The following NXPE2 variants were observed in gnomAD, a reference collection of about 807,000 sequenced individuals.
NXPE2 encodes the protein neurexophilin and PC-esterase domain family member 2.
In NXPE2, 34 loss-of-function variants were observed where a neutral mutation model predicts 34.4. The observed-to-expected ratio is 0.99, with a 90% CI of 0.75 to 1.31. The LOEUF is 1.31. Ranked by LOEUF, NXPE2 falls within the 40% of genes most tolerant of loss-of-function variation. The probability of loss-of-function intolerance (pLI) is 0.00; values close to 1 mark genes in which losing one functional copy is unlikely to be tolerated. For missense variants in NXPE2, 649 were observed against 672.5 expected (o/e 0.97, Z 0.39); for synonymous variants, 235 against 231.3 (o/e 1.02, Z -0.15).
chr11:114,757,700 T>G, the NXPE2 span, among the ~76,000 whole-genome samples: 1 of 152,112 alleles, frequency 6.6e-6, no homozygotes, highest in Non-Finnish European at 1.5e-5. Flanking sequence ...GCATCTCCAG[T>G]TGTATTGTTT....
At chr11:114,632,681 T>TA in the NXPE2 span, among the ~76,000 whole-genome samples, 4 of 55,894 alleles carry the variant, frequency 7.2e-5, no homozygotes, top group Non-Finnish European at 1.1e-4. Context: ...TATATTTATA[T>TA]ATATAAATTT....
At chr11:114,509,064 AAATC>A in the NXPE2 span, among the ~76,000 whole-genome samples, 1 of 152,162 alleles carries the variant, frequency 6.6e-6, no homozygotes, top group African/African-American at 2.4e-5. Context: ...TTACAAGAAA[AAATC>A]AACCCCATTA....
chr11:114,740,387 GAAT>G, the NXPE2 span, among the ~76,000 whole-genome samples: 1 of 149,428 alleles, frequency 6.7e-6, no homozygotes, highest in Non-Finnish European at 1.5e-5. Flanking sequence ...TGGTTATTAT[GAAT>G]AATAATATGA....
the NXPE2 span, chr11:114,580,168 G>A: frequency 1.4e-5 from 23 of 1,613,936 alleles, no homozygotes; most frequent in Middle Eastern, 6.6e-4. Context: ...ATCCACTGGC[G>A]GATCGTGGAA....
the NXPE2 span, among the ~76,000 whole-genome samples, chr11:114,510,810 T>C: frequency 3.9e-5 from 6 of 152,092 alleles, no homozygotes; most frequent in African/African-American, 1.4e-4. Flanking sequence ...TAAAGATAAA[T>C]ACACAGAAAA....
the NXPE2 span, among the ~76,000 whole-genome samples, chr11:114,659,551 A>G: frequency 2.0e-5 from 3 of 152,282 alleles, no homozygotes; most frequent in Non-Finnish European, 1.5e-5. Context: ...ATATTTTGAA[A>G]TGAAACAACA....
chr11:114,733,886 C>T, the NXPE2 span, among the ~76,000 whole-genome samples: 1 of 152,166 alleles, frequency 6.6e-6, no homozygotes, highest in African/African-American at 2.4e-5. Flanking sequence ...TTCTGTTAAC[C>T]CAGTCCCATG....
the NXPE2 span, among the ~76,000 whole-genome samples, chr11:114,611,151 G>A: frequency 3.6e-4 from 54 of 150,726 alleles, 1 homozygote; most frequent in Admixed American, 1.3e-3. Context: ...ACTGTTACCC[G>A]GAGGATAATA....
chr11:114,698,132 G>C lies in NXPE2; in HGVS notation c.220G>C (p.Ala74Pro). 1 of 1,614,010 alleles carries C rather than the reference G, an allele frequency of 6.2e-7. No homozygotes were observed. The highest frequency in any genetic ancestry group is 1.3e-5 in the African/African-American group (1 of 75,056). The change falls in exon 3 of 6, where the codon GCA (alanine) becomes CCA (proline). Residue 74 changes from alanine to proline, a missense_variant. By Grantham distance (27) the Ala-to-Pro change is conservative. Coordinates refer to ENST00000389586, the MANE Select transcript of NXPE2 (RefSeq NM_182495.6). Reference sequence around the variant, plus strand: ...ACACTCTGAAACACCACTGTGTCCAGCAGTTTCACCAAAAGAGACTGAACT... The same window carrying C: ...ACACTCTGAAACACCACTGTGTCCACCAGTTTCACCAAAAGAGACTGAACT... ...YSHSETPLCP[A>P]VSPKETELRI...
chr11:114,662,031 G>A, the NXPE2 span, among the ~76,000 whole-genome samples: 6 of 152,056 alleles, frequency 3.9e-5, no homozygotes, highest in Non-Finnish European at 5.9e-5. Context: ...CCTACCCCCC[G>A]CAAGGACACC....
At chr11:114,643,111 GT>G in the NXPE2 span, among the ~76,000 whole-genome samples, 4 of 151,936 alleles carry the variant, frequency 2.6e-5, no homozygotes, top group African/African-American at 9.7e-5. Flanking sequence ...GGGGTTGTTT[GT>G]TTTTTTCTTG....
rs932506854 is a variant in NXPE2, at chr11:114,678,598, A to G, written c.23A>G (p.His8Arg). The G allele has an allele frequency of 1.3e-6, 2 of 1,548,844 alleles. No homozygotes were observed. Among genetic ancestry groups the G allele is most frequent in the Non-Finnish European group, 1.7e-6 (2 of 1,144,348 alleles). ...AAGATGGTGGAGAAAATACTCATCC[A>G]TAGGTGTGGTACTTTCCAACTCTTA... is the stretch of plus-strand genomic sequence containing the variant. The part of the protein sequence containing the change: MVEKILI[H>R]RILTLFPNAI... Residue 8 changes from histidine (H) to arginine (R), a missense_variant, in exon 1 of 6, where the codon CAT becomes CGT. By Grantham distance (29) the His-to-Arg change is conservative. Transcript: ENST00000389586.
the NXPE2 span, among the ~76,000 whole-genome samples, chr11:114,651,493 G>C: frequency 1.3e-5 from 2 of 152,204 alleles, no homozygotes; most frequent in East Asian, 3.8e-4. Flanking sequence ...TTATTGCAAA[G>C]AGCAAAAGAA....
the NXPE2 span, among the ~76,000 whole-genome samples, chr11:114,811,461 G>C: frequency 6.6e-6 from 1 of 152,170 alleles, no homozygotes; most frequent in Non-Finnish European, 1.5e-5. Context: ...TCATGAAGAA[G>C]AGAAAATATG....
chr11:114,678,697 C>G, intron 1 of NXPE2, 96 bp downstream of exon 1: 2 of 884,212 alleles, frequency 2.3e-6, no homozygotes, highest in Non-Finnish European at 3.6e-6. Flanking sequence ...TGTGATGCAA[C>G]CCTTTAGAGG....
the NXPE2 span, among the ~76,000 whole-genome samples, chr11:114,645,024 G>A: frequency 1.3e-4 from 20 of 151,598 alleles, no homozygotes; most frequent in South Asian, 4.2e-4. Context: ...AAAACAGGCC[G>A]GGCATAGTGT....
At chr11:114,640,861 G>T in the NXPE2 span, among the ~76,000 whole-genome samples, 3 of 152,022 alleles carry the variant, frequency 2.0e-5, no homozygotes, top group South Asian at 6.2e-4. Context: ...TTAGTCATTT[G>T]TCAAATGTGT....
chr11:114,634,483 C>A, the NXPE2 span, among the ~76,000 whole-genome samples: 11 of 152,074 alleles, frequency 7.2e-5, no homozygotes, highest in Non-Finnish European at 1.6e-4. Flanking sequence ...TCCCACTTGT[C>A]AATTTTGGCT....
the NXPE2 span, among the ~76,000 whole-genome samples, chr11:114,758,867 A>C: frequency 6.7e-6 from 1 of 149,026 alleles, no homozygotes; most frequent in Non-Finnish European, 1.5e-5. Flanking sequence ...CACATTTAAT[A>C]TTTTTAAAAT....
Sources: gnomAD v4.1 joint callset for allele counts (sites outside exome capture counted in the v4.1 genomes callset) on GRCh38, gnomAD v4.1.1 for gene constraint, MANE v1.5 for transcripts, NCBI Gene and HGNC (gene_info 2026-07-23, HGNC 2026-07-21) for gene names.